The following PARG variants were observed in gnomAD, a reference collection of about 807,000 sequenced individuals.
PARG encodes the protein poly(ADP-ribose) glycohydrolase, also known as mitochondrial poly(ADP-ribose) glycohydrolase.
PARG carries 35 observed loss-of-function variants against 113.0 expected under a neutral mutation model. That is an observed-to-expected ratio of 0.31 (90% CI 0.24 to 0.41). The LOEUF (loss-of-function observed/expected upper bound fraction) is 0.41. Among genes scored for constraint, PARG ranks in the 10% least tolerant of loss-of-function variants. The pLI, the probability that PARG is intolerant of heterozygous loss-of-function variation, is 1.00. For synonymous variants in PARG, 330 were observed against 409.9 expected, an observed-to-expected ratio of 0.81 and a Z score of 2.36; for missense variants, 797 against 1,169.4, an observed-to-expected ratio of 0.68 and a Z score of 4.64.
At chr10:49,845,350 G>C (rs1197407601) in intron 13 of PARG, among the ~76,000 whole-genome samples, 2 of 152,146 alleles carry the variant, frequency 1.3e-5, no homozygotes, top group Non-Finnish European at 2.9e-5. Flanking sequence ...CAATAGATTT[G>C]TATCAGTCAT....
intron 6 of PARG, among the ~76,000 whole-genome samples, chr10:49,921,358 T>G (rs1554849268): frequency 1.3e-5 from 2 of 152,206 alleles, no homozygotes; most frequent in African/African-American, 4.8e-5. Flanking sequence ...GTTTTGTTTT[T>G]TTGTAACTGT....
rs185541479 is a variant in PARG, at chr10:49,885,861, T to A, written c.1738-566A>T. ...CACCCTTGGGAAGTGAAAACCACAA[T>A]TCCCATATAAAAATTTGAAGCACAA... is the stretch of plus-strand genomic sequence containing the variant. On this transcript the variant is annotated intron_variant, in intron 7 of 17. Coordinates refer to ENST00000616448, the MANE Select transcript of PARG (RefSeq NM_003631.5). Among the ~76,000 whole-genome samples, 4 of 152,334 alleles carry A rather than the reference T, an allele frequency of 2.6e-5. No individual in the cohort carries two copies. The East Asian group carries it at 7.7e-4, about 29-fold the overall frequency.
At chr10:49,906,356 C>G (rs2132781568) in intron 7 of PARG, among the ~76,000 whole-genome samples, 1 of 152,092 alleles carries the variant, frequency 6.6e-6, no homozygotes, top group East Asian at 1.9e-4. Context: ...TTTTCTTCTT[C>G]TTTCTACCTT....
intron 7 of PARG, among the ~76,000 whole-genome samples, chr10:49,905,309 A>G (rs1431594295): frequency 1.3e-5 from 2 of 152,294 alleles, no homozygotes; most frequent in Non-Finnish European, 2.9e-5. Flanking sequence ...AAGGAAATAT[A>G]TAAAAGATGG....
Position 49,843,858 on chromosome 10 carries a change from A to T in PARG, c.2354-226T>A, listed in dbSNP as rs74419923. On this transcript the variant is annotated intron_variant, in intron 13 of 17. Transcript: ENST00000616448. ...TTGTTTACATAGCAAATCCTAAGGAATCACTGAACTAAAGAGAGAGGCCAG... is the reference window on the plus strand; with the variant it reads ...TTGTTTACATAGCAAATCCTAAGGATTCACTGAACTAAAGAGAGAGGCCAG... Among the ~76,000 whole-genome samples, 33 of 152,370 alleles carry T rather than the reference A, an allele frequency of 2.2e-4. No individual in the cohort carries two copies. In the East Asian group the frequency reaches 6.4e-3, roughly 29 times the overall value.
rs57182308 is a variant in PARG, at chr10:49,832,966, G to A, written c.2542-58C>T. 3,076 of 875,130 alleles carry A rather than the reference G, an allele frequency of 3.5e-3. 54 individuals are homozygous for A. The African/African-American group carries it at 0.04, about 11-fold the overall frequency. 54.2% of individuals were successfully genotyped at this position (875,130 alleles called of 1,614,324 possible). A position where few individuals can be genotyped will look rare whatever the true frequency, so the allele number is the denominator to read the frequency against. ...GTGCCTAGACACTAACAGTGTTTCTGACTGATGTACTAGGATCAGTGTCCA... is the reference window on the plus strand; with the variant it reads ...GTGCCTAGACACTAACAGTGTTTCTAACTGATGTACTAGGATCAGTGTCCA... On this transcript the variant is annotated intron_variant, in intron 15 of 17. Coordinates refer to ENST00000616448, the MANE Select transcript of PARG (RefSeq NM_003631.5).
At chr10:49,906,860 G>A (rs1173952525) in intron 7 of PARG, among the ~76,000 whole-genome samples, 1 of 152,092 alleles carries the variant, frequency 6.6e-6, no homozygotes, top group African/African-American at 2.4e-5. Context: ...ACAGATAGAA[G>A]TGTCCAAGAG....
At chr10:49,886,230 A>C (rs1181493533) in intron 7 of PARG, among the ~76,000 whole-genome samples, 1 of 152,232 alleles carries the variant, frequency 6.6e-6, no homozygotes, top group Non-Finnish European at 1.5e-5. Context: ...TCTATGCCAC[A>C]GCTCTTCCTA....
intron 1 of PARG, among the ~76,000 whole-genome samples, chr10:49,940,800 T>C (rs1839007095): frequency 1.3e-5 from 2 of 152,148 alleles, no homozygotes; most frequent in East Asian, 3.9e-4. Flanking sequence ...AGCTCAGGGA[T>C]TACAGGCAAA....
intron 7 of PARG, among the ~76,000 whole-genome samples, chr10:49,891,464 T>C (rs1282378969): frequency 1.3e-5 from 2 of 150,718 alleles, no homozygotes; most frequent in African/African-American, 4.8e-5. Flanking sequence ...CAATCCTCTT[T>C]AATAAAAAAA....
At chr10:49,834,267 CAT>C (rs1844808625) in intron 15 of PARG, among the ~76,000 whole-genome samples, 1 of 152,156 alleles carries the variant, frequency 6.6e-6, no homozygotes, top group South Asian at 2.1e-4. Flanking sequence ...GAAGAATAAA[CAT>C]AACTTTGCCG....
chr10:49,941,819 G>T lies in PARG; in HGVS notation c.-94C>A. 1.3e-6 allele frequency: 2 copies of T among 1,532,812 alleles called. No individual in the cohort carries two copies. Among genetic ancestry groups the T allele is most frequent in the Non-Finnish European group, 1.7e-6 (2 of 1,143,886 alleles). The allele number at this position is 1,532,812 out of a possible 1,614,324, so 95.0% of individuals were successfully genotyped here. On this transcript the variant is annotated 5_prime_UTR_variant, in exon 1 of 18. Transcript: ENST00000616448. ...AGATGGACTGCGCCTCCTTCTCAGC[G>T]CCTGCCTGCACCATTCCCTCTCTGC...
intron 7 of PARG, among the ~76,000 whole-genome samples, chr10:49,913,449 G>T (rs1837306753): frequency 1.3e-5 from 2 of 152,150 alleles, no homozygotes; most frequent in African/African-American, 4.8e-5. Context: ...TAACACAGAA[G>T]ATTTTATAAT....
Position 49,824,812 on chromosome 10 carries a change from T to C in PARG, c.2648-4519A>G, listed in dbSNP as rs893594382. On this transcript the variant is annotated intron_variant, in intron 16 of 17. Transcript: ENST00000616448. ...ATAAAGAAATTTAGGCATCAAAAGG[T>C]TATGTAATTTGTCTCAGGTCACACA... 4.6e-5 allele frequency among the ~76,000 whole-genome samples: 7 copies of C among 152,142 alleles called. No individual in the cohort carries two copies. The South Asian group carries it at 8.3e-4, about 18-fold the overall frequency.
In PARG at chr10:49,927,886, T is replaced by TTGGA. The variant is rs1838286979; in HGVS notation, c.1455+4210_1455+4213dup. On this transcript the variant is annotated intron_variant, in intron 4 of 17. Coordinates refer to ENST00000616448, the MANE Select transcript of PARG (RefSeq NM_003631.5). ...TGGGAGGATTGCTTGAACCTAAGAG[T>TTGGA]TGGAGGCTGCAGTGAGCCAAGATCA... Among the ~76,000 whole-genome samples, 5 of 148,586 alleles carry TTGGA rather than the reference T, an allele frequency of 3.4e-5. No individual in the cohort carries two copies. In the South Asian group the frequency reaches 1.1e-3, roughly 32 times the overall value.
chr10:49,921,171 T>G (rs1164113211), intron 6 of PARG, among the ~76,000 whole-genome samples: 4 of 152,198 alleles, frequency 2.6e-5, no homozygotes, highest in African/African-American at 9.7e-5. Context: ...GATAAATTAC[T>G]GATCCCCCAT....
chr10:49,852,513 T>A (rs1845800591), intron 13 of PARG, among the ~76,000 whole-genome samples: 1 of 150,478 alleles, frequency 6.6e-6, no homozygotes, highest in African/African-American at 2.4e-5. Context: ...ACATCCTTTA[T>A]TTACATTAAC....
At chr10:49,821,674 C>A (rs1844090355) in intron 16 of PARG, among the ~76,000 whole-genome samples, 1 of 152,208 alleles carries the variant, frequency 6.6e-6, no homozygotes, top group South Asian at 2.1e-4. Flanking sequence ...GCCAATGTGC[C>A]TGGCCAAAGA....
chr10:49,827,147 A>C (rs1283251970), intron 16 of PARG, among the ~76,000 whole-genome samples: 1 of 152,240 alleles, frequency 6.6e-6, no homozygotes, highest in Non-Finnish European at 1.5e-5. Flanking sequence ...AGTAGTTACC[A>C]CTGGAGTAGA....
Sources: gnomAD v4.1 joint callset for allele counts (sites outside exome capture counted in the v4.1 genomes callset) on GRCh38, gnomAD v4.1.1 for gene constraint, MANE v1.5 for transcripts, NCBI Gene and HGNC (gene_info 2026-07-23, HGNC 2026-07-21) for gene names.